Variants in GPR176 observed in about 807,000 individuals in gnomAD.
The protein encoded by GPR176 is G-protein coupled receptor 176.
GPR176 carries 26 observed loss-of-function variants against 35.4 expected under a neutral mutation model. That is an observed-to-expected ratio of 0.74 (90% CI 0.54 to 1.02). The LOEUF is 1.02. Among genes scored for constraint, GPR176 ranks in the 50% least tolerant of loss-of-function variants. The pLI is 0.00. For synonymous variants in GPR176, 278 were observed against 271.3 expected, an observed-to-expected ratio of 1.02 and a Z score of -0.24; for missense variants, 597 against 665.3, an observed-to-expected ratio of 0.90 and a Z score of 1.13.
At chr15:39,804,843 A>C (rs1899094260) in intron 2 of GPR176, among the ~76,000 whole-genome samples, 1 of 152,214 alleles carries the variant, frequency 6.6e-6, no homozygotes, top group Non-Finnish European at 1.5e-5. Flanking sequence ...ACACAAAAGA[A>C]CACACACTGT....
At chr15:39,893,953 G>A (rs1265013711) in intron 1 of GPR176, among the ~76,000 whole-genome samples, 4 of 119,178 alleles carry the variant, frequency 3.4e-5, no homozygotes, top group Admixed American at 1.6e-4. Context: ...CTGGCCGGGC[G>A]GGGGGCTGAC....
At chr15:39,879,997 C>A (rs1244527617) in intron 1 of GPR176, among the ~76,000 whole-genome samples, 1 of 152,140 alleles carries the variant, frequency 6.6e-6, no homozygotes, top group East Asian at 1.9e-4. Flanking sequence ...GGTGACAAGA[C>A]CCACAATTCC....
Position 39,810,589 on chromosome 15 carries a change from C to T in GPR176, c.173-3331G>A, listed in dbSNP as rs368615435. Among the ~76,000 whole-genome samples the T allele has an allele frequency of 3.3e-5, 5 of 152,326 alleles. 1 individual carries two copies. The East Asian group carries it at 7.7e-4, about 23-fold the overall frequency. On this transcript the variant is annotated intron_variant, in intron 1 of 2. Coordinates refer to ENST00000561100, the MANE Select transcript of GPR176 (RefSeq NM_007223.3). Reference sequence around the variant, plus strand: ...TCCTTCTGGGAAAACAGACACATTACCTCTTTGAAAACTACCAGCTTCCCC... The same window carrying T: ...TCCTTCTGGGAAAACAGACACATTATCTCTTTGAAAACTACCAGCTTCCCC...
chr15:39,841,434 C>T (rs1189276792), intron 1 of GPR176, among the ~76,000 whole-genome samples: 1 of 146,494 alleles, frequency 6.8e-6, no homozygotes, highest in Admixed American at 7.2e-5. Context: ...TTATGGTGGG[C>T]CCTAATCCAA....
At chr15:39,833,328 AATG>A (rs1277998139) in intron 1 of GPR176, among the ~76,000 whole-genome samples, 1 of 152,200 alleles carries the variant, frequency 6.6e-6, no homozygotes, top group African/African-American at 2.4e-5. Flanking sequence ...AATAAAAAAG[AATG>A]ATGTGCTGAT....
intron 1 of GPR176, among the ~76,000 whole-genome samples, chr15:39,885,933 T>A (rs1370144526): frequency 6.6e-6 from 1 of 152,166 alleles, no homozygotes; most frequent in Non-Finnish European, 1.5e-5. Context: ...ACAATGCATC[T>A]TTAGAAATGG....
intron 1 of GPR176, chr15:39,828,986 G>A: frequency 1.5e-6 from 1 of 687,130 alleles, no homozygotes; most frequent in South Asian, 1.5e-5. Context: ...GTCTAAGTAT[G>A]CGTATCATGT....
At chr15:39,893,759 G>A (rs1165717671) in intron 1 of GPR176, among the ~76,000 whole-genome samples, 3 of 145,114 alleles carry the variant, frequency 2.1e-5, no homozygotes, top group Non-Finnish European at 4.6e-5. Context: ...CCTCCCGGGC[G>A]GGGCGGCTGG....
intron 1 of GPR176, among the ~76,000 whole-genome samples, chr15:39,885,453 G>A (rs2032639495): frequency 6.6e-6 from 1 of 152,114 alleles, no homozygotes; most frequent in African/African-American, 2.4e-5. Flanking sequence ...GAATCACCTG[G>A]AGGTCTCCAA....
chr15:39,818,422 T>C (rs192074391), intron 1 of GPR176, among the ~76,000 whole-genome samples: 6 of 152,342 alleles, frequency 3.9e-5, no homozygotes, highest in Admixed American at 2.0e-4. Context: ...AAAAGCATCT[T>C]AAGAAATATA....
intron 1 of GPR176, among the ~76,000 whole-genome samples, chr15:39,833,098 G>A (rs1901194458): frequency 6.6e-6 from 1 of 152,072 alleles, no homozygotes; most frequent in African/African-American, 2.4e-5. Context: ...AGAGAGTGGG[G>A]TTGGGAGCAT....
At chr15:39,821,661 G>C (rs1279908627) in intron 1 of GPR176, among the ~76,000 whole-genome samples, 1 of 152,160 alleles carries the variant, frequency 6.6e-6, no homozygotes, top group Non-Finnish European at 1.5e-5. Context: ...GGGTAAGAAG[G>C]TAATCTACAA....
intron 1 of GPR176, among the ~76,000 whole-genome samples, chr15:39,896,081 ATC>A (rs1431306662): frequency 6.6e-6 from 1 of 152,110 alleles, no homozygotes; most frequent in Non-Finnish European, 1.5e-5. Context: ...TAGAGACAAG[ATC>A]TCGCTTTGTT....
At chr15:39,848,864 G>A (rs1397002895) in intron 1 of GPR176, among the ~76,000 whole-genome samples, 16 of 143,828 alleles carry the variant, frequency 1.1e-4, no homozygotes, top group Non-Finnish European at 2.3e-4. Flanking sequence ...AATTAGGAAT[G>A]AGAAAATGTC....
chr15:39,859,745 A>C (rs2031473673), intron 1 of GPR176, among the ~76,000 whole-genome samples: 1 of 152,158 alleles, frequency 6.6e-6, no homozygotes, highest in African/African-American at 2.4e-5. Context: ...CACTTATATG[A>C]GGTACCTAAA....
At chr15:39,820,942 C>T (rs1900231600) in intron 1 of GPR176, among the ~76,000 whole-genome samples, 3 of 152,196 alleles carry the variant, frequency 2.0e-5, no homozygotes. Context: ...CGGAGACTTT[C>T]TGTGCCTGAA....
intron 1 of GPR176, among the ~76,000 whole-genome samples, chr15:39,816,744 G>A (rs755073332): frequency 2.6e-5 from 4 of 152,088 alleles, no homozygotes; most frequent in Admixed American, 6.6e-5. Flanking sequence ...AACTATGCTT[G>A]GTTACTTGTT....
Position 39,801,185 on chromosome 15 carries a change from G to T in GPR176, c.1495C>A (p.Arg499=). ...ACTTTATTGTTTCTGCTCATCTTCCGCTCCACCCTGCCTACCTTGGGCACC... is the reference window on the plus strand; with the variant it reads ...ACTTTATTGTTTCTGCTCATCTTCCTCTCCACCCTGCCTACCTTGGGCACC... ...TKVPKVGRVE[R]KMSRNNKVSI... The change falls in exon 3 of 3, where the codon CGG becomes AGG. Residue 499 remains arginine (R), a synonymous_variant. Coordinates refer to ENST00000561100, the MANE Select transcript of GPR176 (RefSeq NM_007223.3). The T allele has an allele frequency of 1.2e-6, 2 of 1,613,398 alleles. No individual in the cohort carries two copies. Among genetic ancestry groups the T allele is most frequent in the African/African-American group, 1.3e-5 (1 of 74,972 alleles).
chr15:39,817,776 G>C (rs891916882), intron 1 of GPR176, among the ~76,000 whole-genome samples: 7 of 152,306 alleles, frequency 4.6e-5, no homozygotes, highest in South Asian at 4.1e-4. Context: ...ATGATACCTG[G>C]AGAGTTCAAA....
Sources: gnomAD v4.1 joint callset for allele counts (sites outside exome capture counted in the v4.1 genomes callset) on GRCh38, gnomAD v4.1.1 for gene constraint, MANE v1.5 for transcripts, NCBI Gene and HGNC (gene_info 2026-07-23, HGNC 2026-07-21) for gene names.